LMOD1: variants seen among roughly 807,000 people sequenced by gnomAD.
LMOD1 encodes leiomodin-1.
Under a neutral mutation model 36.5 loss-of-function variants are expected in LMOD1, and 8 were observed. The ratio of observed to expected loss-of-function variants is 0.22; its 90% CI spans 0.13 to 0.40. The LOEUF is 0.40. Among genes scored for constraint, LMOD1 ranks in the 10% least tolerant of loss-of-function variants. LMOD1 has a pLI of 1.00. For synonymous variants in LMOD1, 284 were observed against 288.7 expected (o/e 0.98, Z 0.17); for missense variants, 630 against 751.1 (o/e 0.84, Z 1.88).
intron 1 of LMOD1, among the ~76,000 whole-genome samples, chr1:201,918,207 C>T (rs1405869789): frequency 1.3e-5 from 2 of 152,158 alleles, no homozygotes; most frequent in Admixed American, 1.3e-4. Flanking sequence ...TTGACGCTTC[C>T]TTTTTCCCTC....
intron 2 of LMOD1, 104 bp from the exon 3 acceptor site, chr1:201,898,502 G>A (rs1389848646): frequency 1.0e-6 from 1 of 1,002,436 alleles, no homozygotes; most frequent in East Asian, 2.8e-5. Context: ...TATGTCTGTG[G>A]AATGTGAATG....
intron 1 of LMOD1, among the ~76,000 whole-genome samples, chr1:201,907,098 T>A (rs1044850864): frequency 3.4e-4 from 52 of 152,224 alleles, no homozygotes; most frequent in African/African-American, 1.3e-3. Context: ...CAGGTTCCCT[T>A]TACGGCTGCC....
Position 201,928,960 on chromosome 1 carries a change from C to T in LMOD1, c.261+17120G>A, listed in dbSNP as rs186488297. Reference sequence around the variant, plus strand: ...CTTGAACTCCTGACCTCAAGTGATCCGCCCACCTTGGCCTCCCAAAGTGCT... The same window carrying T: ...CTTGAACTCCTGACCTCAAGTGATCTGCCCACCTTGGCCTCCCAAAGTGCT... On this transcript the variant is annotated intron_variant, in intron 1 of 2. Transcript: ENST00000367288. Among the ~76,000 whole-genome samples the T allele has an allele frequency of 3.1e-3, 470 of 152,148 alleles. 1 individual carries two copies. Among genetic ancestry groups the T allele is most frequent in the Non-Finnish European group, 5.6e-3 (379 of 67,998 alleles).
intron 1 of LMOD1, among the ~76,000 whole-genome samples, chr1:201,901,964 TTA>T (rs72310529): frequency 0.38 from 43,329 of 113,034 alleles, 6,638 homozygotes; most frequent in South Asian, 0.42. Flanking sequence ...GTTATTATTA[TTA>T]TTTTTTTTTT....
chr1:201,946,084 A>T lies in LMOD1; in HGVS notation c.257T>A (p.Met86Lys). ...TKKLMQREMS[M>K]DESKQVETKT... The stretch of plus-strand genomic sequence containing the variant: ...TCCAGGGCTGTGCTCACTCACATCC[A>T]TGGACATCTCCCTCTGCATAAGTTT... The change falls in exon 1 of 3, where the codon ATG becomes AAG. Residue 86 changes from methionine (M) to lysine (K), a missense_variant. Physicochemically the swap from Met to Lys is moderately conservative, Grantham distance 95 (BLOSUM62 -1). Coordinates refer to ENST00000367288, the MANE Select transcript of LMOD1 (RefSeq NM_012134.3). The T allele has an allele frequency of 1.2e-6, 2 of 1,613,684 alleles. No individual in the cohort carries two copies. Among genetic ancestry groups the T allele is most frequent in the Non-Finnish European group, 1.7e-6 (2 of 1,179,664 alleles).
At chr1:201,916,797 A>G (rs1372305967) in intron 1 of LMOD1, among the ~76,000 whole-genome samples, 2 of 152,126 alleles carry the variant, frequency 1.3e-5, no homozygotes, top group African/African-American at 2.4e-5. Context: ...ATTACACATC[A>G]GCCCCGGTGA....
intron 1 of LMOD1, among the ~76,000 whole-genome samples, chr1:201,922,913 T>A (rs1681730169): frequency 6.6e-6 from 1 of 151,808 alleles, no homozygotes; most frequent in Non-Finnish European, 1.5e-5. Context: ...CAACCTTCGC[T>A]TCCTGGGTTC....
rs896861402 is a variant in LMOD1, at chr1:201,900,385, C to T, written c.628G>A (p.Glu210Lys). The change falls in exon 2 of 3, where the codon GAG becomes AAG. Residue 210 changes from glutamate to lysine, a missense_variant. By Grantham distance (56) the Glu-to-Lys change is moderately conservative (BLOSUM62 1). This residue lies in a region of LMOD1 where 405 missense variants were observed against 400.6 expected (regional missense o/e 1.01). Coordinates refer to ENST00000367288, the MANE Select transcript of LMOD1 (RefSeq NM_012134.3). ...TCTTTCTTGGCCACCTCCTTCATCT[C>T]CTCTCTCTTTTTATCCTTGTCCCTG... ...LSRDKDKKRE[E>K]MKEVAKKEDD... 4 of 1,562,116 alleles carry T rather than the reference C, an allele frequency of 2.6e-6. No homozygotes were observed. The African/African-American group carries it at 5.5e-5, about 21-fold the overall frequency.
At chr1:201,928,333 C>A (rs1282429198) in intron 1 of LMOD1, among the ~76,000 whole-genome samples, 1 of 152,212 alleles carries the variant, frequency 6.6e-6, no homozygotes, top group East Asian at 1.9e-4. Flanking sequence ...TGATCAGTTG[C>A]CTACAAGGAC....
At chr1:201,911,519 G>T (rs1437582147) in intron 1 of LMOD1, among the ~76,000 whole-genome samples, 4 of 152,168 alleles carry the variant, frequency 2.6e-5, no homozygotes, top group Non-Finnish European at 5.9e-5. Context: ...ACAAAAATTA[G>T]CCGGGCGTGG....
Position 201,900,644 on chromosome 1 carries a change from C to T in LMOD1, c.369G>A (p.Lys123=). 1 of 1,613,978 alleles carries T rather than the reference C, an allele frequency of 6.2e-7. No individual in the cohort carries two copies. The highest frequency in any genetic ancestry group is 2.2e-5 in the East Asian group (1 of 44,880). The change falls in exon 2 of 3, where the codon AAG becomes AAA. Residue 123 remains lysine (K), a synonymous_variant. Transcript: ENST00000367288. ...TCTTTAAACCACCCCTCTTTGGCTC[C>T]TTCCCCAGATCTGAGTCCCGTCTGG... ...LGPRRDSDLG[K]EPKRGGLKKS...
intron 1 of LMOD1, among the ~76,000 whole-genome samples, chr1:201,933,391 G>A (rs1209203158): frequency 6.7e-6 from 1 of 149,990 alleles, no homozygotes; most frequent in African/African-American, 2.5e-5. Context: ...TCCAGCCTGG[G>A]CAACAGGAGC....
intron 1 of LMOD1, among the ~76,000 whole-genome samples, chr1:201,913,746 G>A (rs1200862108): frequency 1.3e-5 from 2 of 152,204 alleles, no homozygotes; most frequent in Non-Finnish European, 2.9e-5. Flanking sequence ...CCTGCCAAAT[G>A]GAGGCTGCTG....
Position 201,921,232 on chromosome 1 carries a change from G to A in LMOD1, c.262-20481C>T, listed in dbSNP as rs576860396. On this transcript the variant is annotated intron_variant, in intron 1 of 2. Transcript: ENST00000367288. ...GGGCTGGGCGCAGTGGCTCACACCT[G>A]TAATCCCAGCACTTTGGGAGGCTGA... Among the ~76,000 whole-genome samples the A allele has an allele frequency of 1.0e-3, 159 of 152,120 alleles. 1 individual carries two copies. The Middle Eastern group carries it at 0.014, about 13-fold the overall frequency.
rs139362152 is a variant in LMOD1 at position 201,945,115 on chromosome 1, C to T, written c.261+965G>A. Among the ~76,000 whole-genome samples the T allele has an allele frequency of 4.8e-3, 725 of 151,926 alleles. 10 individuals are homozygous for T. Among genetic ancestry groups the T allele is most frequent in the African/African-American group, 0.017 (694 of 41,410 alleles). ...CAAAGACTTGAACAATTTTCCTATG[C>T]AACACTCTTTCCCATGGACAAAGGT... On this transcript the variant is annotated intron_variant, in intron 1 of 2. Coordinates refer to ENST00000367288, the MANE Select transcript of LMOD1 (RefSeq NM_012134.3).
At chr1:201,939,152 T>TAA (rs1553299251) in intron 1 of LMOD1, among the ~76,000 whole-genome samples, 2 of 149,358 alleles carry the variant, frequency 1.3e-5, no homozygotes, top group African/African-American at 2.4e-5. Flanking sequence ...TTTTTTTTTT[T>TAA]AATTTCGTGA....
At chr1:201,921,774 C>T (rs890199798) in intron 1 of LMOD1, among the ~76,000 whole-genome samples, 5 of 151,774 alleles carry the variant, frequency 3.3e-5, no homozygotes, top group African/African-American at 1.2e-4. Context: ...TCCTGGCTAA[C>T]ACAGTGAAAC....
intron 1 of LMOD1, among the ~76,000 whole-genome samples, chr1:201,901,645 TA>T (rs1681323661): frequency 1.9e-4 from 6 of 30,840 alleles, no homozygotes; most frequent in African/African-American, 6.1e-4. Context: ...TATATATATA[TA>T]TACATATATA....
intron 1 of LMOD1, among the ~76,000 whole-genome samples, chr1:201,917,296 G>T (rs933069505): frequency 1.3e-5 from 2 of 152,218 alleles, no homozygotes; most frequent in Non-Finnish European, 2.9e-5. Flanking sequence ...GGAAGGCACG[G>T]TGAGCGGTGT....
Sources: gnomAD v4.1 joint callset for allele counts (sites outside exome capture counted in the v4.1 genomes callset) on GRCh38, gnomAD v4.1.1 for gene constraint, gnomAD v4.1.1 regional missense constraint, MANE v1.5 for transcripts, NCBI Gene and HGNC (gene_info 2026-07-23, HGNC 2026-07-21) for gene names.